The following PARG variants were observed in gnomAD, a reference collection of about 807,000 sequenced individuals.
PARG encodes the protein mitochondrial poly(ADP-ribose) glycohydrolase.
Under a neutral mutation model 113.0 loss-of-function variants are expected in PARG, and 35 were observed. The ratio of observed to expected loss-of-function variants is 0.31; its 90% CI spans 0.24 to 0.41. PARG has a LOEUF of 0.41. Among genes scored for constraint, PARG ranks in the 10% least tolerant of loss-of-function variants. The pLI is 1.00. For synonymous variants in PARG, 330 were observed against 409.9 expected (o/e 0.81, Z 2.36); for missense variants, 797 against 1,169.4 (o/e 0.68, Z 4.64).
At chr10:49,900,718 G>A (rs562909021) in intron 7 of PARG, among the ~76,000 whole-genome samples, 1 of 152,040 alleles carries the variant, frequency 6.6e-6, no homozygotes, top group South Asian at 2.1e-4. Flanking sequence ...TATTCCTTAG[G>A]AAATAAACCC....
chr10:49,821,423 A>C (rs372465184), intron 16 of PARG, among the ~76,000 whole-genome samples: 20 of 152,192 alleles, frequency 1.3e-4, no homozygotes, highest in African/African-American at 4.8e-4. Context: ...TCTGTCACCC[A>C]GGCTGGAATG....
intron 16 of PARG, among the ~76,000 whole-genome samples, chr10:49,822,769 G>A (rs1377532151): frequency 2.0e-5 from 3 of 152,222 alleles, no homozygotes; most frequent in Non-Finnish European, 2.9e-5. Context: ...ATCACCAGTA[G>A]TGTCAGATGG....
chr10:49,841,446 A>G (rs191356344), intron 15 of PARG, among the ~76,000 whole-genome samples: 1 of 152,302 alleles, frequency 6.6e-6, no homozygotes, highest in African/African-American at 2.4e-5. Context: ...GTTCATTTTT[A>G]TATTTCTGTA....
Position 49,847,932 on chromosome 10 carries a change from T to C in PARG, c.2354-4300A>G, listed in dbSNP as rs1419015316. ...CTGGTGAATCTGAGTAAAGAGTATA[T>C]GGAAATTCCATGTATTATTCTTACA... On this transcript the variant is annotated intron_variant, in intron 13 of 17. Coordinates refer to ENST00000616448, the MANE Select transcript of PARG (RefSeq NM_003631.5). 3.4e-5 allele frequency among the ~76,000 whole-genome samples: 5 copies of C among 148,326 alleles called. No individual in the cohort carries two copies. The South Asian group carries it at 8.8e-4, about 26-fold the overall frequency.
chr10:49,905,340 G>C (rs1486292519), intron 7 of PARG, among the ~76,000 whole-genome samples: 2 of 152,236 alleles, frequency 1.3e-5, no homozygotes, highest in Non-Finnish European at 2.9e-5. Context: ...CAAAGGCCTA[G>C]TTAAGATTGA....
In PARG at chr10:49,874,757, G is replaced by A. The variant is rs1846870242; in HGVS notation, c.1988+4916C>T. 1.3e-5 allele frequency among the ~76,000 whole-genome samples: 2 copies of A among 150,124 alleles called. 1 individual carries two copies. Among genetic ancestry groups the A allele is most frequent in the South Asian group, 4.3e-4 (2 of 4,674 alleles). ...TAGTCCCAGCTACTAGGGAGGCTGA[G>A]GCAGGAGATTGGTGTGAACCCGGGA... On this transcript the variant is annotated intron_variant, in intron 9 of 17. Transcript: ENST00000616448.
At chr10:49,845,239 C>T (rs1253156250) in intron 13 of PARG, among the ~76,000 whole-genome samples, 1 of 152,126 alleles carries the variant, frequency 6.6e-6, no homozygotes, top group East Asian at 1.9e-4. Flanking sequence ...TACACGTAAC[C>T]TTTGACCTAC....
At chr10:49,841,926 G>C (rs1554832365) in intron 15 of PARG, 24 bp downstream of exon 15, 2 of 1,419,050 alleles carry the variant, frequency 1.4e-6, no homozygotes, top group Non-Finnish European at 1.9e-6. Context: ...GCTGCCAGAT[G>C]AACTAAGAAA....
chr10:49,867,053 T>C (rs1846550349), intron 10 of PARG: 1 of 152,160 alleles, frequency 6.6e-6, no homozygotes, highest in Admixed American at 6.5e-5. Context: ...ACACATCTTT[T>C]ATAATGGAGG....
intron 17 of PARG, 34 bp from the exon 18 acceptor site, chr10:49,819,528 A>G: frequency 6.6e-7 from 1 of 1,512,818 alleles, no homozygotes; most frequent in South Asian, 1.2e-5. Context: ...GAGGCACATT[A>G]AAGTATGTAA....
Position 49,873,275 on chromosome 10 carries a change from C to A in PARG, c.1989-3720G>T, listed in dbSNP as rs557271490. On this transcript the variant is annotated intron_variant, in intron 9 of 17. Transcript: ENST00000616448. ...AAATACACTCTCACACACACAACTC[C>A]CCACTGCTAGAAACTATAATCATAA... Among the ~76,000 whole-genome samples, 19 of 62,288 alleles carry A rather than the reference C, an allele frequency of 3.1e-4. No individual in the cohort carries two copies. In the South Asian group the frequency reaches 0.015, roughly 50 times the overall value. 40.9% of individuals were successfully genotyped at this position (62,288 alleles called of 152,430 possible).
At chr10:49,921,458 G>A (rs1554849318) in intron 6 of PARG, among the ~76,000 whole-genome samples, 5 of 151,770 alleles carry the variant, frequency 3.3e-5, no homozygotes, top group Non-Finnish European at 7.4e-5. Context: ...TTAGAAGATT[G>A]AGAAACACTG....
chr10:49,838,902 C>CGT (rs1845085572), intron 15 of PARG, among the ~76,000 whole-genome samples: 2 of 152,170 alleles, frequency 1.3e-5, no homozygotes, highest in African/African-American at 2.4e-5. Context: ...TGATTTGACA[C>CGT]TCAACTTACT....
At chr10:49,929,557 G>A (rs1838384773) in intron 4 of PARG, among the ~76,000 whole-genome samples, 1 of 152,248 alleles carries the variant, frequency 6.6e-6, no homozygotes, top group Admixed American at 6.5e-5. Context: ...GCTGGGCGCG[G>A]TGGCTCACGC....
At chr10:49,822,352 C>G (rs1165982101) in intron 16 of PARG, among the ~76,000 whole-genome samples, 1 of 152,182 alleles carries the variant, frequency 6.6e-6, no homozygotes, top group South Asian at 2.1e-4. Context: ...TTGGTCTCTA[C>G]CATCATTCCC....
chr10:49,825,985 T>C (rs1400466718), intron 16 of PARG, among the ~76,000 whole-genome samples: 2 of 152,176 alleles, frequency 1.3e-5, no homozygotes, highest in African/African-American at 4.8e-5. Flanking sequence ...GCAATATCAG[T>C]TGAGCATCTC....
chr10:49,852,833 G>A (rs1845818351), intron 13 of PARG, among the ~76,000 whole-genome samples: 2 of 150,422 alleles, frequency 1.3e-5, no homozygotes, highest in Admixed American at 1.3e-4. Context: ...CCAAAGTGCT[G>A]GGATTACAGG....
Position 49,933,409 on chromosome 10 carries a change from T to C in PARG, c.1039A>G (p.Arg347Gly). ...TANKPSRFQA[R>G]DADIEFRKRY... ...TTCCTAAATTCAATGTCAGCGTCTC[T>C]TGCTTGGAACCTTGAAGGTTTATTT... Residue 347 changes from arginine (R) to glycine (G), a missense_variant, in exon 3 of 18, where the codon AGA becomes GGA. Physicochemically the swap from Arg to Gly is moderately radical, Grantham distance 125. Transcript: ENST00000616448. The C allele has an allele frequency of 6.2e-7, 1 of 1,613,484 alleles. No individual in the cohort carries two copies.
chr10:49,840,682 AC>A (rs1235865873), intron 15 of PARG, among the ~76,000 whole-genome samples: 2 of 152,262 alleles, frequency 1.3e-5, no homozygotes, highest in African/African-American at 4.8e-5. Flanking sequence ...AACATGTTCA[AC>A]AATAAATTAG....
Sources: allele counts gnomAD v4.1 joint callset (sites outside exome capture counted in the v4.1 genomes callset), GRCh38; gene constraint gnomAD v4.1.1; transcripts MANE v1.5; gene names NCBI Gene and HGNC (gene_info 2026-07-23, HGNC 2026-07-21).